VTI1A: variants seen among roughly 807,000 people sequenced by gnomAD.
VTI1A encodes the protein vesicle transport through interaction with t-SNAREs 1A.
VTI1A carries 22 observed loss-of-function variants against 34.9 expected under a neutral mutation model. The observed-to-expected ratio is 0.63, with a 90% CI of 0.45 to 0.90. The LOEUF is 0.90. Among genes scored for constraint, VTI1A ranks in the 40% least tolerant of loss-of-function variants. VTI1A has a pLI of 0.00. For synonymous variants in VTI1A, 87 were observed against 97.3 expected, an observed-to-expected ratio of 0.89 and a Z score of 0.62; for missense variants, 268 against 275.6, an observed-to-expected ratio of 0.97 and a Z score of 0.20.
chr10:112,665,234 A>T lies in VTI1A; in HGVS notation c.428-2984A>T, dbSNP rs182061782. On this transcript the variant is annotated intron_variant, in intron 5 of 7. Transcript: ENST00000393077. ...GCTAAACCCAAGATAGTCTATATTT[A>T]AAAAATCCCCTCTAATTTGTTGTCT... Among the ~76,000 whole-genome samples the T allele has an allele frequency of 2.6e-4, 40 of 152,252 alleles. 1 individual carries two copies. The East Asian group carries it at 3.1e-3, about 12-fold the overall frequency.
rs534298861 is a variant in VTI1A, at chr10:112,759,160, A to C, written c.561-56130A>C. Among the ~76,000 whole-genome samples the C allele has an allele frequency of 3.3e-5, 5 of 152,298 alleles. No individual in the cohort carries two copies. The East Asian group carries it at 9.7e-4, about 29-fold the overall frequency. ...TTGGTTGGGAGCCAAGTTAAGCTACAGTGAGAGAGAAAAAGAAGCCCGAGG... is the reference window on the plus strand; with the variant it reads ...TTGGTTGGGAGCCAAGTTAAGCTACCGTGAGAGAGAAAAAGAAGCCCGAGG... On this transcript the variant is annotated intron_variant, in intron 7 of 7. Coordinates refer to ENST00000393077, the MANE Select transcript of VTI1A (RefSeq NM_145206.4).
At chr10:112,686,566 G>A (rs1848422507) in intron 7 of VTI1A, among the ~76,000 whole-genome samples, 1 of 152,292 alleles carries the variant, frequency 6.6e-6, no homozygotes, top group East Asian at 1.9e-4. Context: ...AAGCCTTAGG[G>A]AAAATGAATT....
intron 7 of VTI1A, among the ~76,000 whole-genome samples, chr10:112,785,208 A>C (rs1052486684): frequency 6.6e-6 from 1 of 152,222 alleles, no homozygotes; most frequent in African/African-American, 2.4e-5. Flanking sequence ...GCAGAGGTCC[A>C]TGAAGCCTGT....
At chr10:112,686,402 T>C (rs914374409) in intron 7 of VTI1A, among the ~76,000 whole-genome samples, 1 of 152,172 alleles carries the variant, frequency 6.6e-6, no homozygotes, top group African/African-American at 2.4e-5. Context: ...GAGGCACCAT[T>C]GTAAACTGGA....
rs372020335 is a variant in VTI1A at position 112,767,034 on chromosome 10, A to T, written c.561-48256A>T. Among the ~76,000 whole-genome samples, 3 of 152,386 alleles carry T rather than the reference A, an allele frequency of 2.0e-5. No homozygotes were observed. The highest frequency in any genetic ancestry group is 3.9e-4 in the East Asian group (2 of 5,190). On this transcript the variant is annotated intron_variant, in intron 7 of 7. Transcript: ENST00000393077. The surrounding 1 kb of genome is among the most constrained non-coding windows in gnomAD (Gnocchi z 4.0). ...ACATATCCTTCAAAGCAGAGTTTAA[A>T]GCCACTGATTTCTTAGCCATGTGAG...
intron 7 of VTI1A, among the ~76,000 whole-genome samples, chr10:112,757,548 C>G (rs1323724318): frequency 4.2e-5 from 6 of 143,186 alleles, no homozygotes; most frequent in Non-Finnish European, 7.9e-5. Context: ...CCACGCCAGA[C>G]TAATTGTTTG....
chr10:112,530,545 G>A (rs890847076), intron 4 of VTI1A, among the ~76,000 whole-genome samples: 1 of 152,124 alleles, frequency 6.6e-6, no homozygotes, highest in African/African-American at 2.4e-5. Context: ...TACTCTCTCA[G>A]TTTCTATATG....
intron 7 of VTI1A, among the ~76,000 whole-genome samples, chr10:112,756,313 A>G (rs896419233): frequency 3.9e-5 from 6 of 152,156 alleles, no homozygotes; most frequent in Admixed American, 2.0e-4. Flanking sequence ...CGGCATGACT[A>G]CTTTTGCAGA....
In VTI1A at chr10:112,647,293, G is replaced by A. The variant is rs75965650; in HGVS notation, c.428-20925G>A. Among the ~76,000 whole-genome samples, 500 of 152,246 alleles carry A rather than the reference G, an allele frequency of 3.3e-3. 10 individuals carry two copies. In the East Asian group the frequency reaches 0.048, roughly 15 times the overall value. ...TTCACTTTTGGAATAGCTGTTTAGC[G>A]CTTTGAGATTGTGATGAAAGACCTG... On this transcript the variant is annotated intron_variant, in intron 5 of 7. Transcript: ENST00000393077.
chr10:112,456,543 G>T (rs1348964931), intron 1 of VTI1A, among the ~76,000 whole-genome samples: 1 of 151,952 alleles, frequency 6.6e-6, no homozygotes. Flanking sequence ...TCAGGACCTC[G>T]CCTAGAAGGA....
At chr10:112,638,094 G>A (rs1434854770) in intron 5 of VTI1A, among the ~76,000 whole-genome samples, 1 of 152,196 alleles carries the variant, frequency 6.6e-6, no homozygotes, top group African/African-American at 2.4e-5. Context: ...TGAAGCATTC[G>A]TAGCAATCCT....
At chr10:112,695,569 T>C (rs543089226) in intron 7 of VTI1A, among the ~76,000 whole-genome samples, 46 of 152,326 alleles carry the variant, frequency 3.0e-4, no homozygotes, top group African/African-American at 1.1e-3. Flanking sequence ...AATACACATA[T>C]TTGCTTTTGC....
intron 5 of VTI1A, among the ~76,000 whole-genome samples, chr10:112,579,459 T>C (rs934526141): frequency 6.6e-6 from 1 of 152,106 alleles, no homozygotes; most frequent in Non-Finnish European, 1.5e-5. Context: ...CGCAGCACTT[T>C]AGGAGGCCGA....
At chr10:112,802,082 A>G (rs1184214508) in intron 7 of VTI1A, among the ~76,000 whole-genome samples, 6 of 152,110 alleles carry the variant, frequency 3.9e-5, no homozygotes, top group Non-Finnish European at 8.8e-5. Flanking sequence ...ACCCATCTCT[A>G]CTAAAAAAAA....
At chr10:112,534,737 T>A (rs1406862434) in intron 4 of VTI1A, among the ~76,000 whole-genome samples, 7 of 152,306 alleles carry the variant, frequency 4.6e-5, no homozygotes, top group Non-Finnish European at 1.0e-4. Flanking sequence ...TAAATGAATA[T>A]AATCAGTTGC....
intron 1 of VTI1A, chr10:112,450,864 A>C (rs571590629): frequency 6.6e-6 from 1 of 152,344 alleles, no homozygotes; most frequent in East Asian, 1.9e-4. Context: ...GGATGAGCAG[A>C]AACTATACAG....
chr10:112,483,346 G>A (rs916982928), intron 3 of VTI1A, among the ~76,000 whole-genome samples: 5 of 152,066 alleles, frequency 3.3e-5, no homozygotes, highest in African/African-American at 9.7e-5. Context: ...AAGATTGCAC[G>A]ACAATGAATA....
intron 7 of VTI1A, among the ~76,000 whole-genome samples, chr10:112,807,461 C>T (rs540072116): frequency 1.3e-5 from 2 of 152,300 alleles, no homozygotes; most frequent in South Asian, 4.1e-4. Flanking sequence ...TCATTCCAGT[C>T]TCTGCCTCCA....
intron 5 of VTI1A, among the ~76,000 whole-genome samples, chr10:112,574,122 T>C (rs1852244144): frequency 6.6e-6 from 1 of 152,182 alleles, no homozygotes; most frequent in Admixed American, 6.5e-5. Flanking sequence ...CTTCTAGATA[T>C]TTGGATTGCA....
Sources: allele counts gnomAD v4.1 joint callset (sites outside exome capture counted in the v4.1 genomes callset), GRCh38; gene constraint gnomAD v4.1.1; non-coding constraint Gnocchi (gnomAD v3.1); transcripts MANE v1.5; gene names NCBI Gene and HGNC (gene_info 2026-07-23, HGNC 2026-07-21).